Variants in FCRL3 observed in about 807,000 individuals in gnomAD.
FCRL3 encodes Fc receptor-like protein 3.
In FCRL3, 89 loss-of-function variants were observed where a neutral mutation model predicts 75.0. The ratio of observed to expected loss-of-function variants is 1.19; its 90% CI spans 1.00 to 1.42. The LOEUF (loss-of-function observed/expected upper bound fraction) is 1.42, where lower values mean the gene tolerates loss of function less well. FCRL3 is among the 40% of genes most tolerant of loss of function. The pLI, the probability that FCRL3 is intolerant of heterozygous loss-of-function variation, is 0.00. For synonymous variants in FCRL3, 376 were observed against 348.5 expected (o/e 1.08, Z -0.88); for missense variants, 946 against 880.0 (o/e 1.07, Z -0.95).
At position 157,697,443 on chromosome 1, in the gene FCRL3, A is replaced by G. The variant is rs1298789357; in HGVS notation, c.560-19T>C. 9.8e-6 allele frequency: 15 copies of G among 1,528,012 alleles called. No homozygotes were observed. Among genetic ancestry groups the G allele is most frequent in the Middle Eastern group, 1.9e-4 (1 of 5,324 alleles). 94.7% of individuals were successfully genotyped at this position (1,528,012 alleles called of 1,614,324 possible). A position where few individuals can be genotyped will look rare whatever the true frequency, so the allele number is the denominator to read the frequency against. ...AACAGCTCTAATGAAAAGAAACAAC[A>G]TAGTCTCCAGGGTGGTGAGGCTCAG... On this transcript the variant is annotated intron_variant, in intron 5 of 14. Coordinates refer to ENST00000368184, the MANE Select transcript of FCRL3 (RefSeq NM_052939.4).
intron 10 of FCRL3, among the ~76,000 whole-genome samples, chr1:157,685,982 G>A: frequency 6.6e-6 from 1 of 151,998 alleles, no homozygotes; most frequent in Non-Finnish European, 1.5e-5. Flanking sequence ...AGAGCAACCA[G>A]GCAAGAGAAA....
At chr1:157,684,194 C>T (rs891093801) in intron 10 of FCRL3, among the ~76,000 whole-genome samples, 3 of 152,126 alleles carry the variant, frequency 2.0e-5, no homozygotes, top group Admixed American at 6.5e-5. Context: ...GGCAAGTTTC[C>T]GTCATCACCG....
chr1:157,695,171 G>A (rs993832741), intron 8 of FCRL3, among the ~76,000 whole-genome samples, 158 bp downstream of exon 8: 4 of 152,194 alleles, frequency 2.6e-5, no homozygotes, highest in African/African-American at 9.7e-5. Flanking sequence ...GTTACTAAAT[G>A]TGTAATCACT....
At chr1:157,693,315 C>T (rs559603590) in intron 8 of FCRL3, among the ~76,000 whole-genome samples, 1 of 149,450 alleles carries the variant, frequency 6.7e-6, no homozygotes, top group Non-Finnish European at 1.5e-5. Context: ...ACATGCAGCA[C>T]TTCCTACTTA....
In FCRL3 at chr1:157,697,375, C is replaced by T; in HGVS notation, c.609G>A (p.Glu203=). The change falls in exon 6 of 15, where the codon GAG becomes GAA. Residue 203 remains glutamate, a synonymous_variant. Coordinates refer to ENST00000368184, the MANE Select transcript of FCRL3 (RefSeq NM_052939.4). The part of the protein sequence containing the change: ...VLRASSSTPI[E]GSPMTLTCET... Reference sequence around the variant, plus strand: ...CACAGGTCAGGGTCATGGGACTCCCCTCTATGGGCGTGGAAGAGCTGGCTC... The same window carrying T: ...CACAGGTCAGGGTCATGGGACTCCCTTCTATGGGCGTGGAAGAGCTGGCTC... 6.3e-7 allele frequency: 1 copy of T among 1,576,872 alleles called. No homozygotes were observed. Among genetic ancestry groups the T allele is most frequent in the Non-Finnish European group, 8.6e-7 (1 of 1,165,618 alleles).
At position 157,697,365 on chromosome 1, in the gene FCRL3, T is replaced by C. The variant is rs770917354; in HGVS notation, c.619A>G (p.Met207Val). 6.3e-7 allele frequency: 1 copy of C among 1,596,906 alleles called. No individual in the cohort carries two copies. Among genetic ancestry groups the C allele is most frequent in the Non-Finnish European group, 8.5e-7 (1 of 1,173,008 alleles). The change falls in exon 6 of 15, where the codon ATG becomes GTG. Residue 207 changes from methionine to valine, a missense_variant. Met to Val is a conservative substitution (Grantham distance 21). Transcript: ENST00000368184. ...AGCTGGGTCTCACAGGTCAGGGTCATGGGACTCCCCTCTATGGGCGTGGAA... is the reference window on the plus strand; with the variant it reads ...AGCTGGGTCTCACAGGTCAGGGTCACGGGACTCCCCTCTATGGGCGTGGAA... ...SSSTPIEGSPMTLTCETQLSP... is the reference protein window; with the variant it reads ...SSSTPIEGSPVTLTCETQLSP...
rs774037545 is a variant in FCRL3, at chr1:157,697,438, A to G, written c.560-14T>C. ...GTAGAAACAGCTCTAATGAAAAGAA[A>G]CAACATAGTCTCCAGGGTGGTGAGG... On this transcript the variant is annotated splice_polypyrimidine_tract_variant and intron_variant, in intron 5 of 14. Coordinates refer to ENST00000368184, the MANE Select transcript of FCRL3 (RefSeq NM_052939.4). The G allele has an allele frequency of 6.5e-7, 1 of 1,529,262 alleles. No individual in the cohort carries two copies. Among genetic ancestry groups the G allele is most frequent in the East Asian group, 2.3e-5 (1 of 44,298 alleles). 94.7% of individuals were successfully genotyped at this position (1,529,262 alleles called of 1,614,324 possible).
At chr1:157,689,958 T>G in intron 9 of FCRL3, 41 bp from the exon 10 acceptor site, 1 of 1,608,800 alleles carries the variant, frequency 6.2e-7, no homozygotes, top group Non-Finnish European at 8.5e-7. Flanking sequence ...GTGGCACAGG[T>G]TTTGGATACA....
intron 10 of FCRL3, among the ~76,000 whole-genome samples, chr1:157,683,732 A>G (rs569819785): frequency 6.9e-4 from 105 of 152,276 alleles, no homozygotes; most frequent in African/African-American, 2.5e-3. Context: ...CTGCAAGTCT[A>G]TTCCAGCAAC....
chr1:157,700,478 C>T lies in FCRL3; in HGVS notation c.12G>A (p.Trp4Ter). The change falls in exon 2 of 15, where the codon TGG becomes TGA. Residue 4 changes from tryptophan (W) to a stop codon, truncating the protein, a stop_gained. Transcript: ENST00000368184. LOFTEE classifies it high-confidence loss of function. MLL[W>*]LLLLILTPGR... ...ACTCACTCAGGATCAGCAGCAGCAG[C>T]CACAGAAGCATGGGCACCGGCCGGG... The T allele has an allele frequency of 6.2e-7, 1 of 1,614,108 alleles. No homozygotes were observed. The highest frequency in any genetic ancestry group is 1.1e-5 in the South Asian group (1 of 91,080).
At chr1:157,689,623 TGAG>T (rs2101606585) in intron 10 of FCRL3, among the ~76,000 whole-genome samples, 172 bp downstream of exon 10, 1 of 152,340 alleles carries the variant, frequency 6.6e-6, no homozygotes, top group Non-Finnish European at 1.5e-5. Flanking sequence ...AAAATTTTAT[TGAG>T]AAGTTTATTC....
chr1:157,679,244 C>T (rs1654666519), intron 13 of FCRL3: 2 of 518,784 alleles, frequency 3.9e-6, no homozygotes, highest in Non-Finnish European at 3.5e-6. Flanking sequence ...AAAGACTTTC[C>T]TCTGCCCACC....
At chr1:157,697,563 T>C (rs1656018646) in intron 5 of FCRL3, 96 bp downstream of exon 5, 2 of 1,491,708 alleles carry the variant, frequency 1.3e-6, no homozygotes, top group South Asian at 1.3e-5. Flanking sequence ...GGCTGAGCCA[T>C]AGGAGACTCT....
chr1:157,695,673 G>A, intron 7 of FCRL3, 66 bp from the exon 8 acceptor site: 6 of 1,516,416 alleles, frequency 4.0e-6, no homozygotes, highest in Non-Finnish European at 4.4e-6. Context: ...CTCTCTCAAG[G>A]AGCCTAGCAA....
chr1:157,685,452 CA>C (rs953063124), intron 10 of FCRL3, among the ~76,000 whole-genome samples: 1 of 151,988 alleles, frequency 6.6e-6, no homozygotes, highest in Non-Finnish European at 1.5e-5. Flanking sequence ...TCTTGATCTA[CA>C]AAAAAACCTG....
At chr1:157,685,556 C>T (rs1655125780) in intron 10 of FCRL3, among the ~76,000 whole-genome samples, 1 of 152,072 alleles carries the variant, frequency 6.6e-6, no homozygotes, top group East Asian at 1.9e-4. Flanking sequence ...AAACTCTGGA[C>T]TTTGTCAGAA....
rs1654514842 is a variant in FCRL3, at chr1:157,677,197, A to G, written c.*1513T>C. 9.9e-7 allele frequency: 1 copy of G among 1,010,060 alleles called. No homozygotes were observed. The highest frequency in any genetic ancestry group is 1.7e-5 in the African/African-American group (1 of 58,440). The allele number at this position is 1,010,060 out of a possible 1,614,324, so 62.6% of individuals were successfully genotyped here. A position where few individuals can be genotyped will look rare whatever the true frequency, so the allele number is the denominator to read the frequency against. On this transcript the variant is annotated 3_prime_UTR_variant, in exon 15 of 15. Transcript: ENST00000368184. ...GGCTTAGCTGGCTTTGCTGGTCGTAATGGAGGACAAAAGTGCCTTCTGGTG... is the reference window on the plus strand; with the variant it reads ...GGCTTAGCTGGCTTTGCTGGTCGTAGTGGAGGACAAAAGTGCCTTCTGGTG...
intron 10 of FCRL3, among the ~76,000 whole-genome samples, chr1:157,688,803 C>G (rs1002286736): frequency 1.3e-5 from 2 of 152,162 alleles, no homozygotes; most frequent in Admixed American, 1.3e-4. Flanking sequence ...ACGTAAACAT[C>G]CTTTGCAAAA....
Position 157,697,665 on chromosome 1 carries a change from C to T in FCRL3, c.553G>A (p.Val185Ile), listed in dbSNP as rs1474878764. The T allele has an allele frequency of 6.2e-7, 1 of 1,612,736 alleles. No individual in the cohort carries two copies. The highest frequency in any genetic ancestry group is 2.2e-5 in the East Asian group (1 of 44,880). Residue 185 changes from valine to isoleucine, a missense_variant, in exon 5 of 15, where the codon GTT becomes ATT. Val to Ile is a conservative substitution (Grantham distance 29). Coordinates refer to ENST00000368184, the MANE Select transcript of FCRL3 (RefSeq NM_052939.4). ...EVTSKPLNIQ[V>I]QELFLHPVLR... ...ACAGGAATCTAGCCATTACCTTGAA[C>T]TTGGATATTTAGGGGTTTTGAAGTT...
Sources: allele counts gnomAD v4.1 joint callset (sites outside exome capture counted in the v4.1 genomes callset), GRCh38; gene constraint gnomAD v4.1.1; transcripts MANE v1.5; gene names NCBI Gene and HGNC (gene_info 2026-07-23, HGNC 2026-07-21).